INO80: variants seen among roughly 807,000 people sequenced by gnomAD.
The protein encoded by INO80 is chromatin-remodeling ATPase INO80.
Under a neutral mutation model 203.4 loss-of-function variants are expected in INO80, and 20 were observed. That is an observed-to-expected ratio of 0.10 (90% CI 0.07 to 0.14). The LOEUF (loss-of-function observed/expected upper bound fraction) is 0.14. Among genes scored for constraint, INO80 ranks in the 10% least tolerant of loss-of-function variants. The probability of loss-of-function intolerance (pLI) is 1.00; values close to 1 mark genes in which losing one functional copy is unlikely to be tolerated. For synonymous variants in INO80, 726 were observed against 685.2 expected (o/e 1.06, Z -0.93); for missense variants, 1,419 against 1,914.4 (o/e 0.74, Z 4.83).
rs573160202 is a variant in INO80, at chr15:41,100,704, A to G, written c.-43-4351T>C. Among the ~76,000 whole-genome samples, 178 of 152,264 alleles carry G rather than the reference A, an allele frequency of 1.2e-3. 5 individuals carry two copies. The South Asian group carries it at 0.036, about 31-fold the overall frequency. ...ACCAAGTTATATTTTTTAAGTGTTC[A>G]ATTTTTTTCTTTATGGTGGCAAAAG... is the stretch of plus-strand genomic sequence containing the variant. On this transcript the variant is annotated intron_variant, in intron 1 of 35. Coordinates refer to ENST00000648947, the MANE Select transcript of INO80 (RefSeq NM_017553.3).
intron 7 of INO80, 34 bp downstream of exon 7, chr15:41,085,335 T>A (rs752694409): frequency 1.9e-6 from 3 of 1,571,316 alleles, no homozygotes; most frequent in Non-Finnish European, 2.6e-6. Context: ...GAAAACATTC[T>A]CCTAATTTCC....
At chr15:41,091,678 C>CA in intron 5 of INO80, among the ~76,000 whole-genome samples, 1 of 108,948 alleles carries the variant, frequency 9.2e-6, no homozygotes, top group East Asian at 2.8e-4. Flanking sequence ...TTTTTTGAGA[C>CA]AGAGTCTCGC....
intron 14 of INO80, among the ~76,000 whole-genome samples, chr15:41,068,925 T>G (rs746164054): frequency 6.6e-6 from 1 of 152,066 alleles, no homozygotes; most frequent in East Asian, 1.9e-4. Flanking sequence ...TAGATTTAAA[T>G]GAAAAGAGAA....
chr15:41,073,606 G>C (rs942043054), intron 10 of INO80, 111 bp from the exon 11 acceptor site: 4 of 878,730 alleles, frequency 4.6e-6, no homozygotes, highest in African/African-American at 3.3e-5. Context: ...CTTATCCCTG[G>C]GTTCACGGAG....
chr15:41,096,209 A>C lies in INO80; in HGVS notation c.102T>G (p.Phe34Leu). ...TGAAGATAGCTGACGTTTGTCGCAGAAAATGGTCCAACCGGAGGGCCCTCT... is the reference window on the plus strand; with the variant it reads ...TGAAGATAGCTGACGTTTGTCGCAGCAAATGGTCCAACCGGAGGGCCCTCT... ...YLERALRLDHFLRQTSAIFNR... is the reference protein window; with the variant it reads ...YLERALRLDHLLRQTSAIFNR... Residue 34 changes from phenylalanine to leucine, a missense_variant, in exon 2 of 36, where the codon TTT (phenylalanine) becomes TTG (leucine). This residue lies in a region of INO80 where 323 missense variants were observed against 325.4 expected (regional missense o/e 0.99). Coordinates refer to ENST00000648947, the MANE Select transcript of INO80 (RefSeq NM_017553.3). 1 of 1,612,958 alleles carries C rather than the reference A, an allele frequency of 6.2e-7. No individual in the cohort carries two copies. The highest frequency in any genetic ancestry group is 8.5e-7 in the Non-Finnish European group (1 of 1,179,764).
chr15:41,062,535 A>G (rs553524687), intron 14 of INO80, among the ~76,000 whole-genome samples: 1 of 152,178 alleles, frequency 6.6e-6, no homozygotes, highest in Non-Finnish European at 1.5e-5. Context: ...TCTGTCTCCA[A>G]AAAAAACCAA....
chr15:41,047,389 C>T lies in INO80; in HGVS notation c.2735+19G>A. On this transcript the variant is annotated intron_variant, in intron 23 of 35. Transcript: ENST00000648947. ...TATTCCTAACTGGCCTCTTATCAAGCAATAAGCAAACCTCTCACCTGGCCA... is the reference window on the plus strand; with the variant it reads ...TATTCCTAACTGGCCTCTTATCAAGTAATAAGCAAACCTCTCACCTGGCCA... 6.4e-7 allele frequency: 1 copy of T among 1,560,136 alleles called. No individual in the cohort carries two copies. Among genetic ancestry groups the T allele is most frequent in the Non-Finnish European group, 8.8e-7 (1 of 1,132,484 alleles).
At chr15:41,108,269 C>G (rs2045909393) in intron 1 of INO80, among the ~76,000 whole-genome samples, 1 of 151,904 alleles carries the variant, frequency 6.6e-6, no homozygotes, top group Non-Finnish European at 1.5e-5. Flanking sequence ...AAGATGAAGT[C>G]AAGAGCTGTG....
intron 7 of INO80, among the ~76,000 whole-genome samples, chr15:41,082,199 G>A (rs1330530209): frequency 2.7e-5 from 4 of 145,538 alleles, no homozygotes; most frequent in African/African-American, 2.6e-5. Flanking sequence ...GCAGTGAGCC[G>A]AGATCGTACC....
At chr15:41,068,304 C>T (rs1254010572) in intron 14 of INO80, among the ~76,000 whole-genome samples, 1 of 152,112 alleles carries the variant, frequency 6.6e-6, no homozygotes, top group Non-Finnish European at 1.5e-5. Flanking sequence ...CCTGTAATCT[C>T]AGCACTTCAG....
intron 7 of INO80, 42 bp downstream of exon 7, chr15:41,085,327 A>C: frequency 6.4e-7 from 1 of 1,555,252 alleles, no homozygotes; most frequent in Non-Finnish European, 8.9e-7. Flanking sequence ...TGGGGAGAGA[A>C]AACATTCTCC....
Position 40,982,972 on chromosome 15 carries a change from C to T in INO80, c.4343G>A (p.Arg1448Gln), listed in dbSNP as rs761866608. ...ACTGCCTGCCGTGGACTTTCGGCTC[C>T]GGCCCTTCCCTGCTCCTTTGGCTGT... is the stretch of plus-strand genomic sequence containing the variant. Reference protein sequence around the residue: ...GSTAKGAGKGRSRKSTAGSAA... With the variant: ...GSTAKGAGKGQSRKSTAGSAA... Residue 1448 changes from arginine (R) to glutamine (Q), a missense_variant, in exon 35 of 36, where the codon CGG becomes CAG. Coordinates refer to ENST00000648947, the MANE Select transcript of INO80 (RefSeq NM_017553.3). 46 of 1,614,082 alleles carry T rather than the reference C, an allele frequency of 2.8e-5. No homozygotes were observed. The highest frequency in any genetic ancestry group is 6.7e-5 in the African/African-American group (5 of 74,942).
In INO80 at chr15:41,074,435, C is replaced by G; in HGVS notation, c.1262G>C (p.Ser421Thr). The G allele has an allele frequency of 6.2e-7, 1 of 1,614,066 alleles. No individual in the cohort carries two copies. The highest frequency in any genetic ancestry group is 1.1e-5 in the South Asian group (1 of 91,086). ...QEEILRKLED[S>T]STQRQIDIGG... is the part of the protein sequence containing the mutation. ...TATATCGATTTGTCTCTGGGTAGAA[C>G]TGTCTTCCAGTTTCCTTAGGATTTC... is the stretch of plus-strand genomic sequence containing the variant. The change falls in exon 10 of 36, where the codon AGT (serine) becomes ACT (threonine). Residue 421 changes from serine to threonine, a missense_variant. By Grantham distance (58) the Ser-to-Thr change is moderately conservative. Transcript: ENST00000648947.
chr15:41,082,956 T>A (rs1452278552), intron 7 of INO80, among the ~76,000 whole-genome samples: 3 of 151,866 alleles, frequency 2.0e-5, no homozygotes, highest in African/African-American at 7.3e-5. Flanking sequence ...TACTAAGTCA[T>A]GGGAAAGTTT....
At chr15:41,011,598 AG>A (rs1465656005) in intron 27 of INO80, 2 of 151,634 alleles carry the variant, frequency 1.3e-5, no homozygotes, top group African/African-American at 4.8e-5. Context: ...TTTTTTTGAA[AG>A]GAAGTAAAGT....
At chr15:41,036,663 C>G (rs1484083453) in intron 24 of INO80, among the ~76,000 whole-genome samples, 5 of 152,102 alleles carry the variant, frequency 3.3e-5, no homozygotes, top group Admixed American at 1.3e-4. Flanking sequence ...AATATTAATA[C>G]TGGTGCATTA....
chr15:41,056,837 TC>T, intron 16 of INO80, 131 bp from the exon 17 acceptor site: 1 of 673,644 alleles, frequency 1.5e-6, no homozygotes, highest in Non-Finnish European at 2.6e-6. Context: ...CATCATGTAT[TC>T]AACTGAAAAA....
intron 1 of INO80, among the ~76,000 whole-genome samples, chr15:41,112,768 C>A (rs1409573756): frequency 9.8e-6 from 1 of 101,972 alleles, no homozygotes; most frequent in East Asian, 3.3e-4. Context: ...AGCCTGGCGA[C>A]AGGGCAAGAC....
At chr15:41,115,373 C>T (rs1375592609) in intron 1 of INO80, among the ~76,000 whole-genome samples, 1 of 152,146 alleles carries the variant, frequency 6.6e-6, no homozygotes, top group African/African-American at 2.4e-5. Context: ...TGACACTTTC[C>T]TAGTCGCTAT....
Sources: allele counts gnomAD v4.1 joint callset (sites outside exome capture counted in the v4.1 genomes callset), GRCh38; gene constraint gnomAD v4.1.1; regional missense constraint gnomAD v4.1.1; transcripts MANE v1.5; gene names NCBI Gene and HGNC (gene_info 2026-07-23, HGNC 2026-07-21).